Variants in GART observed in about 807,000 individuals in gnomAD.
GART encodes trifunctional purine biosynthetic protein adenosine-3.
A neutral mutation model predicts 107.2 loss-of-function variants in GART; 43 were observed. The ratio of observed to expected loss-of-function variants is 0.40; its 90% confidence interval spans 0.31 to 0.52. The LOEUF is 0.52. Ranked by LOEUF, GART falls within the 20% of genes least tolerant of loss-of-function variation. GART has a pLI of 0.52. For missense variants in GART, 1,107 were observed against 1,206.5 expected, an observed-to-expected ratio of 0.92 and a Z score of 1.22; for synonymous variants, 434 against 427.0, an observed-to-expected ratio of 1.02 and a Z score of -0.20.
chr21:33,520,922 A>G lies in GART; in HGVS notation c.1487T>C (p.Val496Ala), dbSNP rs375474816. The change falls in exon 13 of 22, where the codon GTT becomes GCT. Residue 496 changes from valine to alanine, a missense_variant. Val to Ala is a moderately conservative substitution (Grantham distance 64, BLOSUM62 0). Transcript: ENST00000381815. ...TCTGATTACCTTTAGTTTAGTTCCAACGCCATCTGTTCCAGAGGCCAGAAG... is the reference window on the plus strand; with the variant it reads ...TCTGATTACCTTTAGTTTAGTTCCAGCGCCATCTGTTCCAGAGGCCAGAAG... ...DPLLASGTDGVGTKLKIAQLC... is the reference protein window; with the variant it reads ...DPLLASGTDGAGTKLKIAQLC... 6.2e-7 allele frequency: 1 copy of G among 1,612,514 alleles called. No individual in the cohort carries two copies. The highest frequency in any genetic ancestry group is 8.5e-7 in the Non-Finnish European group (1 of 1,179,418).
chr21:33,515,412 C>T (rs566033894), intron 16 of GART, among the ~76,000 whole-genome samples: 3 of 152,156 alleles, frequency 2.0e-5, no homozygotes, highest in African/African-American at 7.2e-5. Context: ...GAGGCCAAGG[C>T]GGGTGGATCA....
chr21:33,530,356 G>A (rs529564499), intron 7 of GART, among the ~76,000 whole-genome samples: 27 of 151,888 alleles, frequency 1.8e-4, no homozygotes, highest in Admixed American at 1.4e-3. Context: ...CATATCACAC[G>A]CACACTAGAA....
intron 18 of GART, 112 bp downstream of exon 18, chr21:33,509,671 T>A: frequency 9.5e-7 from 1 of 1,057,848 alleles, no homozygotes; most frequent in Non-Finnish European, 1.3e-6. Context: ...ACCCTCATGA[T>A]TCCCCCCAGT....
intron 14 of GART, among the ~76,000 whole-genome samples, chr21:33,519,494 C>T (rs965603383): frequency 6.7e-6 from 1 of 149,888 alleles, no homozygotes; most frequent in South Asian, 2.1e-4. Flanking sequence ...GCAGAGCTTG[C>T]AGTGAGCCAA....
chr21:33,538,317 G>T (rs1416044797), intron 2 of GART, among the ~76,000 whole-genome samples: 1 of 149,248 alleles, frequency 6.7e-6, no homozygotes, highest in Non-Finnish European at 1.5e-5. Flanking sequence ...TAAAAACTTT[G>T]TTTTGTGAGA....
intron 4 of GART, among the ~76,000 whole-genome samples, chr21:33,533,438 C>CAAAA (rs5843612): frequency 7.8e-6 from 1 of 128,710 alleles, no homozygotes; most frequent in Non-Finnish European, 1.7e-5. Context: ...GAACGAGACT[C>CAAAA]AAAAAAAAAA....
intron 14 of GART, 76 bp from the exon 15 acceptor site, chr21:33,517,684 T>G (rs1280499221): frequency 9.6e-6 from 14 of 1,456,776 alleles, no homozygotes; most frequent in Middle Eastern, 3.8e-4. Flanking sequence ...CAGGCTACTC[T>G]TAACATGAAC....
intron 11 of GART, among the ~76,000 whole-genome samples, chr21:33,522,576 GGCT>G (rs1166150389): frequency 6.6e-6 from 1 of 152,102 alleles, no homozygotes; most frequent in Admixed American, 6.5e-5. Context: ...ACTTCTCACA[GGCT>G]GCTAAATATA....
At chr21:33,531,467 C>G (rs1429251598) in intron 6 of GART, 22 bp downstream of exon 6, 1 of 1,606,842 alleles carries the variant, frequency 6.2e-7, no homozygotes, top group Admixed American at 1.7e-5. Flanking sequence ...ACTACAAAAG[C>G]CAAAAAGATG....
intron 2 of GART, among the ~76,000 whole-genome samples, chr21:33,535,781 A>G (rs1243782196): frequency 6.6e-6 from 1 of 152,176 alleles, no homozygotes; most frequent in East Asian, 1.9e-4. Flanking sequence ...TAATCCCAGC[A>G]CTTTGGGAGG....
chr21:33,539,421 A>G, intron 1 of GART, 65 bp from the exon 2 acceptor site: 1 of 1,265,382 alleles, frequency 7.9e-7, no homozygotes, highest in Non-Finnish European at 1.1e-6. Context: ...GGACGGGCAC[A>G]GTGGCTCATG....
chr21:33,519,276 G>A (rs929058247), intron 14 of GART, among the ~76,000 whole-genome samples: 3 of 152,110 alleles, frequency 2.0e-5, no homozygotes, highest in African/African-American at 4.8e-5. Flanking sequence ...GTTTCTGGCC[G>A]GGCACGGTGG....
chr21:33,505,787 C>T (rs954067028), intron 19 of GART, 85 bp from the exon 20 acceptor site: 6 of 1,366,608 alleles, frequency 4.4e-6, no homozygotes. Context: ...GACCATACTT[C>T]ACTTCCTTGT....
At position 33,520,491 on chromosome 21, in the gene GART, C is replaced by T. The variant is rs2084952182; in HGVS notation, c.1575G>A (p.Leu525=). 1 of 1,614,088 alleles carries T rather than the reference C, an allele frequency of 6.2e-7. No homozygotes were observed. Among genetic ancestry groups the T allele is most frequent in the South Asian group, 1.1e-5 (1 of 91,070 alleles). The change falls in exon 14 of 22, where the codon CTG becomes CTA. Residue 525 remains leucine, a synonymous_variant. Transcript: ENST00000381815. ...AGAAGAGGGGCTCTGCTCCTTGTGC[C>T]AGAATATCATTAACACACATTGCTA... ...DLVAMCVNDI[L]AQGAEPLFFL...
chr21:33,524,977 C>T lies in GART; in HGVS notation c.1090G>A (p.Gly364Arg). ...ITGFPEAQAL[G>R]LEVFHAGTAL... ...GTGCCTGCATGGAACACCTCCAGTC[C>T]TAGAGCTTGAGCCTCAGGAAACCCT... The change falls in exon 11 of 22, where the codon GGA becomes AGA. Residue 364 changes from glycine to arginine, a missense_variant. By Grantham distance (125) the Gly-to-Arg change is moderately radical (BLOSUM62 -2). Transcript: ENST00000381815. The T allele has an allele frequency of 1.2e-6, 2 of 1,614,136 alleles. No homozygotes were observed. The highest frequency in any genetic ancestry group is 1.7e-6 in the Non-Finnish European group (2 of 1,180,030).
chr21:33,531,563 T>C lies in GART; in HGVS notation c.529-6A>G, dbSNP rs374876004. On this transcript the variant is annotated splice_polypyrimidine_tract_variant and splice_region_variant and intron_variant, in intron 5 of 21. Coordinates refer to ENST00000381815, the MANE Select transcript of GART (RefSeq NM_000819.5). The stretch of plus-strand genomic sequence containing the variant: ...GCTGCCCCAAAGGCTTTCTCCTGAT[T>C]GTAAGATTTTTTTTTTTTTTTTTTT... 1.3e-6 allele frequency: 2 copies of C among 1,578,796 alleles called. No individual in the cohort carries two copies. The highest frequency in any genetic ancestry group is 1.7e-6 in the Non-Finnish European group (2 of 1,171,592).
At chr21:33,504,576 T>G in intron 20 of GART, 49 bp from the exon 21 acceptor site, 1 of 1,358,782 alleles carries the variant, frequency 7.4e-7, no homozygotes, top group South Asian at 1.2e-5. Context: ...ATCCTGGGTA[T>G]TCTGTTAAAG....
chr21:33,535,330 GAAAAAAA>G lies in GART; in HGVS notation c.146-17_146-11del. 5.5e-6 allele frequency: 2 copies of G among 365,882 alleles called. No individual in the cohort carries two copies. The highest frequency in any genetic ancestry group is 8.9e-6 in the Non-Finnish European group (2 of 225,464). 22.7% of individuals were successfully genotyped at this position (365,882 alleles called of 1,614,324 possible). A position where few individuals can be genotyped will look rare whatever the true frequency, so the allele number is the denominator to read the frequency against. ...TCACTGATTGAGATGGCTGTAAACA[GAAAAAAA>G]AAAAAAAAAACCACTGCATTTACAA... On this transcript the variant is annotated splice_polypyrimidine_tract_variant and intron_variant, in intron 2 of 21. Coordinates refer to ENST00000381815, the MANE Select transcript of GART (RefSeq NM_000819.5).
chr21:33,506,952 C>T (rs2084692818), intron 18 of GART, among the ~76,000 whole-genome samples: 1 of 152,128 alleles, frequency 6.6e-6, no homozygotes, highest in South Asian at 2.1e-4. Flanking sequence ...AACCGTCACA[C>T]ACTATTGGGA....
Sources: allele counts gnomAD v4.1 joint callset (sites outside exome capture counted in the v4.1 genomes callset), GRCh38; gene constraint gnomAD v4.1.1; transcripts MANE v1.5; gene names NCBI Gene and HGNC (gene_info 2026-07-23, HGNC 2026-07-21).